Variants in IGSF5 observed in about 807,000 individuals in gnomAD.
IGSF5 encodes the protein immunoglobulin superfamily 5 like.
Under a neutral mutation model 39.4 loss-of-function variants are expected in IGSF5, and 41 were observed. The ratio of observed to expected loss-of-function variants is 1.04; its 90% CI spans 0.81 to 1.35. The LOEUF (loss-of-function observed/expected upper bound fraction) is 1.35. IGSF5 is among the 40% of genes most tolerant of loss of function. IGSF5 has a pLI of 0.00. For missense variants in IGSF5, 487 were observed against 494.6 expected, an observed-to-expected ratio of 0.98 and a Z score of 0.15; for synonymous variants, 183 against 175.3, an observed-to-expected ratio of 1.04 and a Z score of -0.34.
chr21:39,793,274 G>A (rs1264938682), intron 7 of IGSF5, among the ~76,000 whole-genome samples: 1 of 152,072 alleles, frequency 6.6e-6, no homozygotes, highest in Non-Finnish European at 1.5e-5. Context: ...TGAAGCTTTG[G>A]ATCATTTAGT....
At chr21:39,776,447 C>T (rs1348779915) in intron 4 of IGSF5, among the ~76,000 whole-genome samples, 1 of 152,128 alleles carries the variant, frequency 6.6e-6, no homozygotes, top group Admixed American at 6.5e-5. Context: ...TGATGTGGTT[C>T]CTAATACCAG....
intron 4 of IGSF5, 88 bp downstream of exon 4, chr21:39,771,303 G>A: frequency 7.8e-7 from 1 of 1,275,764 alleles, no homozygotes. Context: ...CACGATGCCT[G>A]GAAAAATCAT....
chr21:39,764,010 C>T (rs545576168), intron 2 of IGSF5, among the ~76,000 whole-genome samples: 2 of 152,022 alleles, frequency 1.3e-5, no homozygotes, highest in East Asian at 3.9e-4. Flanking sequence ...TTAATGATGT[C>T]CAGGGACAAA....
In IGSF5 at chr21:39,746,232, C is replaced by G. The variant is rs1164780438; in HGVS notation, c.34C>G (p.Leu12Val). The change falls in exon 2 of 9, where the codon CTG becomes GTG. Residue 12 changes from leucine (L) to valine (V), a missense_variant. Coordinates refer to ENST00000380588, the MANE Select transcript of IGSF5 (RefSeq NM_001080444.2). Reference sequence around the variant, plus strand: ...CTGGATCAGGAGCACAGCAGATACTCTGCCGGATCTGGAGGAATGGAAGTC... The same window carrying G: ...CTGGATCAGGAGCACAGCAGATACTGTGCCGGATCTGGAGGAATGGAAGTC... ...GQKERSTADT[L>V]PDLEEWKSAA... is the part of the protein sequence containing the mutation. The G allele has an allele frequency of 2.8e-6, 2 of 701,810 alleles. No individual in the cohort carries two copies. The highest frequency in any genetic ancestry group is 5.4e-5 in the East Asian group (2 of 37,290). 43.5% of individuals were successfully genotyped at this position (701,810 alleles called of 1,614,324 possible). A position where few individuals can be genotyped will look rare whatever the true frequency, so the allele number is the denominator to read the frequency against.
the IGSF5 span, among the ~76,000 whole-genome samples, chr21:39,717,399 T>G: frequency 4.1e-4 from 63 of 152,352 alleles, no homozygotes; most frequent in African/African-American, 1.5e-3. Context: ...TTGGTGTCTT[T>G]GTCATGAAAT....
intron 2 of IGSF5, among the ~76,000 whole-genome samples, chr21:39,758,205 C>T (rs78189853): frequency 2.6e-5 from 4 of 152,074 alleles, no homozygotes; most frequent in South Asian, 4.2e-4. Context: ...CACAGGAGGC[C>T]GCTGGAACAC....
chr21:39,729,859 C>T, the IGSF5 span: 1 of 152,168 alleles, frequency 6.6e-6, no homozygotes, highest in Admixed American at 6.5e-5. Flanking sequence ...GGAGGAAACA[C>T]ACCAGGTGAA....
chr21:39,716,069 A>C, the IGSF5 span, among the ~76,000 whole-genome samples: 9 of 152,174 alleles, frequency 5.9e-5, no homozygotes, highest in South Asian at 4.1e-4. Context: ...GCTCCCATGC[A>C]CTCATTTCCC....
At chr21:39,751,626 G>GT (rs2080006270) in intron 2 of IGSF5, among the ~76,000 whole-genome samples, 2 of 136,394 alleles carry the variant, frequency 1.5e-5, no homozygotes, top group African/African-American at 2.5e-5. Flanking sequence ...ATGGGCTGGG[G>GT]GGGGTGGGGT....
the IGSF5 span, among the ~76,000 whole-genome samples, chr21:39,712,085 G>T: frequency 6.6e-6 from 1 of 152,164 alleles, no homozygotes; most frequent in South Asian, 2.1e-4. Flanking sequence ...TCCAGCCACT[G>T]AATCCCATAC....
In IGSF5 at chr21:39,779,155, C is replaced by A; in HGVS notation, c.784C>A (p.Pro262Thr). 1 of 1,614,028 alleles carries A rather than the reference C, an allele frequency of 6.2e-7. No homozygotes were observed. Among genetic ancestry groups the A allele is most frequent in the Non-Finnish European group, 8.5e-7 (1 of 1,179,988 alleles). The change falls in exon 5 of 9, where the codon CCT becomes ACT. Residue 262 changes from proline to threonine, a missense_variant. Coordinates refer to ENST00000380588, the MANE Select transcript of IGSF5 (RefSeq NM_001080444.2). ...TTTACCGAGTTTAGGTTTTTCATTG[C>A]CTACTTGGGGCAAAGTTGGACTTGG... ...SSLPSLGFSLPTWGKVGLGLA... is the reference protein window; with the variant it reads ...SSLPSLGFSLTTWGKVGLGLA...
In IGSF5 at chr21:39,771,069, C is replaced by G. The variant is rs140750069; in HGVS notation, c.572C>G (p.Pro191Arg). ...LVSHSSYYFV[P>R]EPSDLQSAVS... ...AGCCATTCAAGCTATTATTTTGTTC[C>G]GGAGCCCAGCGACCTTCAAAGTGCA... Residue 191 changes from proline to arginine, a missense_variant, in exon 4 of 9, where the codon CCG becomes CGG. Transcript: ENST00000380588. 6.2e-7 allele frequency: 1 copy of G among 1,613,556 alleles called. No individual in the cohort carries two copies. The highest frequency in any genetic ancestry group is 1.3e-5 in the African/African-American group (1 of 74,886).
In IGSF5 at chr21:39,774,033, C is replaced by T. The variant is rs1056968956; in HGVS notation, c.718+2818C>T. ...TCTTAGTCCAGAACTAGTGCCTTAACGATGGTAGCTGGAGGCATGGCTGCT... is the reference window on the plus strand; with the variant it reads ...TCTTAGTCCAGAACTAGTGCCTTAATGATGGTAGCTGGAGGCATGGCTGCT... On this transcript the variant is annotated intron_variant, in intron 4 of 8. Transcript: ENST00000380588. Among the ~76,000 whole-genome samples the T allele has an allele frequency of 2.6e-5, 4 of 152,204 alleles. No individual in the cohort carries two copies. The East Asian group carries it at 7.7e-4, about 29-fold the overall frequency.
At chr21:39,740,441 G>A (rs1470186058), upstream of IGSF5, among the ~76,000 whole-genome samples, 1 of 152,168 alleles carries the variant, frequency 6.6e-6, no homozygotes, top group Non-Finnish European at 1.5e-5. Flanking sequence ...TACTGCATGG[G>A]CATGGAGGAC....
At chr21:39,733,373 A>T in the IGSF5 span, among the ~76,000 whole-genome samples, 2 of 152,178 alleles carry the variant, frequency 1.3e-5, no homozygotes, top group African/African-American at 4.8e-5. Context: ...ATATATACAA[A>T]TTATATTCTA....
chr21:39,799,922 C>T (rs1046370416), intron 8 of IGSF5, among the ~76,000 whole-genome samples: 2 of 152,102 alleles, frequency 1.3e-5, no homozygotes, highest in Non-Finnish European at 2.9e-5. Context: ...CTGTCATATA[C>T]AATATGACAA....
intron 5 of IGSF5, among the ~76,000 whole-genome samples, chr21:39,786,811 A>C (rs1490735366): frequency 6.6e-6 from 1 of 152,228 alleles, no homozygotes; most frequent in Non-Finnish European, 1.5e-5. Context: ...CTTTGTAGGG[A>C]CATGGATGAA....
the IGSF5 span, among the ~76,000 whole-genome samples, chr21:39,712,308 A>G: frequency 6.6e-6 from 1 of 152,132 alleles, no homozygotes; most frequent in African/African-American, 2.4e-5. Context: ...CACGCTGTCA[A>G]ACTTCTTTTG....
chr21:39,786,204 C>T (rs2086918419), intron 5 of IGSF5, among the ~76,000 whole-genome samples: 2 of 152,116 alleles, frequency 1.3e-5, no homozygotes, highest in Non-Finnish European at 2.9e-5. Flanking sequence ...TTGCAACCTG[C>T]TCATCTGACA....
Sources: gnomAD v4.1 joint callset for allele counts (sites outside exome capture counted in the v4.1 genomes callset) on GRCh38, gnomAD v4.1.1 for gene constraint, MANE v1.5 for transcripts, NCBI Gene and HGNC (gene_info 2026-07-23, HGNC 2026-07-21) for gene names.